CSMD1: variants seen among roughly 807,000 people sequenced by gnomAD.
CSMD1 encodes the protein CUB and Sushi multiple domains 1, also known as CUB and sushi domain-containing protein 1.
Under a neutral mutation model 417.5 loss-of-function variants are expected in CSMD1, and 213 were observed. The ratio of observed to expected loss-of-function variants is 0.51; its 90% CI spans 0.46 to 0.57. The LOEUF (loss-of-function observed/expected upper bound fraction) is 0.57, where lower values mean the gene tolerates loss of function less well. Ranked by LOEUF, CSMD1 falls within the 20% of genes least tolerant of loss-of-function variation. The pLI, the probability that CSMD1 is intolerant of heterozygous loss-of-function variation, is 0.00. For missense variants in CSMD1, 6,923 were observed against 4,529.7 expected (o/e 1.53, Z -15.17); for synonymous variants, 2,862 against 1,736.8 (o/e 1.65, Z -16.11).
At position 4,472,073 on chromosome 8, in the gene CSMD1, G is replaced by C. The variant is rs192468360; in HGVS notation, c.303-52008C>G. On this transcript the variant is annotated intron_variant, in intron 2 of 69. Transcript: ENST00000635120. Reference sequence around the variant, plus strand: ...GATTTAATGCTTAGCTGGGAAACTTGTTCGACACAGTCAGCAGAGATCTGT... The same window carrying C: ...GATTTAATGCTTAGCTGGGAAACTTCTTCGACACAGTCAGCAGAGATCTGT... Among the ~76,000 whole-genome samples, 14 of 152,284 alleles carry C rather than the reference G, an allele frequency of 9.2e-5. No homozygotes were observed. In the East Asian group the frequency reaches 2.1e-3, roughly 23 times the overall value.
intron 8 of CSMD1, among the ~76,000 whole-genome samples, chr8:3,592,084 T>A (rs955764467): frequency 3.3e-5 from 5 of 151,910 alleles, no homozygotes; most frequent in African/African-American, 1.2e-4. Context: ...AATTGACGGA[T>A]TAGAGAGACA....
At chr8:4,893,900 G>A (rs1338346119) in intron 1 of CSMD1, among the ~76,000 whole-genome samples, 2 of 152,066 alleles carry the variant, frequency 1.3e-5, no homozygotes, top group African/African-American at 2.4e-5. Context: ...TTAACCAAGG[G>A]GGCGGGGCAA....
chr8:3,380,011 A>G (rs1319901808), intron 18 of CSMD1, among the ~76,000 whole-genome samples: 1 of 152,210 alleles, frequency 6.6e-6, no homozygotes, highest in Admixed American at 6.5e-5. Context: ...AAGGGCTAAT[A>G]CCCAGAATCT....
intron 3 of CSMD1, among the ~76,000 whole-genome samples, chr8:4,401,455 C>G (rs566886167): frequency 4.5e-4 from 69 of 152,100 alleles, no homozygotes; most frequent in Non-Finnish European, 8.1e-4. Context: ...TAGGTAATTT[C>G]AAGCTTCCAG....
At chr8:3,677,616 CCT>C (rs1317584203) in intron 7 of CSMD1, among the ~76,000 whole-genome samples, 1 of 152,098 alleles carries the variant, frequency 6.6e-6, no homozygotes, top group East Asian at 1.9e-4. Context: ...GAGTTTAGAA[CCT>C]CTCTTTTAAG....
intron 3 of CSMD1, among the ~76,000 whole-genome samples, chr8:4,114,334 A>T (rs958929994): frequency 6.6e-6 from 1 of 152,220 alleles, no homozygotes; most frequent in Non-Finnish European, 1.5e-5. Flanking sequence ...ACATCTGTTT[A>T]CAGCACGGTT....
intron 7 of CSMD1, among the ~76,000 whole-genome samples, chr8:3,643,571 G>A (rs528295796): frequency 6.6e-6 from 1 of 151,986 alleles, no homozygotes; most frequent in East Asian, 1.9e-4. Context: ...CGTGGTGGCG[G>A]GCGCCTGTAG....
chr8:4,240,622 A>C (rs1425576398), intron 3 of CSMD1, among the ~76,000 whole-genome samples: 1 of 152,142 alleles, frequency 6.6e-6, no homozygotes, highest in African/African-American at 2.4e-5. Context: ...ATGGCTATCC[A>C]ATCTCATTCC....
chr8:2,973,064 G>A (rs1246839110), intron 57 of CSMD1, 53 bp downstream of exon 57: 13 of 1,545,218 alleles, frequency 8.4e-6, no homozygotes, highest in Non-Finnish European at 1.1e-5. Context: ...ATTTTAGAAC[G>A]AGCTGTGTGG....
At chr8:4,466,533 G>T (rs1300344596) in intron 2 of CSMD1, among the ~76,000 whole-genome samples, 1 of 152,188 alleles carries the variant, frequency 6.6e-6, no homozygotes, top group African/African-American at 2.4e-5. Context: ...GGAAAGCTGT[G>T]TTTGGAAAAC....
intron 3 of CSMD1, among the ~76,000 whole-genome samples, chr8:4,249,845 C>A (rs1171790678): frequency 6.6e-6 from 1 of 152,028 alleles, no homozygotes; most frequent in Non-Finnish European, 1.5e-5. Flanking sequence ...TTGAATGTGT[C>A]CCCTGACCCC....
At chr8:4,241,274 C>T (rs1455078341) in intron 3 of CSMD1, among the ~76,000 whole-genome samples, 1 of 152,116 alleles carries the variant, frequency 6.6e-6, no homozygotes, top group African/African-American at 2.4e-5. Context: ...TAAATAATCT[C>T]ACCACAATTC....
intron 1 of CSMD1, chr8:4,788,295 G>A (rs550356388): frequency 1.4e-5 from 22 of 1,584,970 alleles, no homozygotes; most frequent in South Asian, 1.2e-4. Context: ...TGTGGCAGTG[G>A]CAGGCAGAAG....
At chr8:4,745,851 C>G (rs1810916827) in intron 1 of CSMD1, among the ~76,000 whole-genome samples, 1 of 152,152 alleles carries the variant, frequency 6.6e-6, no homozygotes, top group Non-Finnish European at 1.5e-5. Flanking sequence ...AAATCTCACA[C>G]TCTGCTGTAT....
chr8:3,600,811 G>C (rs1229567091), intron 8 of CSMD1, among the ~76,000 whole-genome samples: 2 of 151,422 alleles, frequency 1.3e-5, no homozygotes, highest in Admixed American at 6.6e-5. Flanking sequence ...ACATTCATAT[G>C]CATGTTTTGC....
intron 35 of CSMD1, 125 bp from the exon 36 acceptor site, chr8:3,188,090 A>G (rs994549154): frequency 4.1e-5 from 12 of 292,368 alleles, no homozygotes; most frequent in Middle Eastern, 1.1e-3. Context: ...ATGTATATGT[A>G]TATATATATA....
At chr8:4,613,996 T>C (rs1313925774) in intron 2 of CSMD1, among the ~76,000 whole-genome samples, 1 of 152,128 alleles carries the variant, frequency 6.6e-6, no homozygotes, top group Non-Finnish European at 1.5e-5. Flanking sequence ...AGATTTTACA[T>C]GTCCTAATAA....
At chr8:4,978,619 T>G (rs1810700165) in intron 1 of CSMD1, among the ~76,000 whole-genome samples, 2 of 152,194 alleles carry the variant, frequency 1.3e-5, no homozygotes, top group Non-Finnish European at 2.9e-5. Flanking sequence ...CCTCTGGTGC[T>G]TTTTTGAACA....
In CSMD1 at chr8:3,352,174, C is replaced by T. The variant is rs1360948981; in HGVS notation, c.3305-4013G>A. ...ATGGGTGGGGAAGGAATGCCAGGACCTGGGCACACTCTCAGGTGCAAGACA... is the reference window on the plus strand; with the variant it reads ...ATGGGTGGGGAAGGAATGCCAGGACTTGGGCACACTCTCAGGTGCAAGACA... On this transcript the variant is annotated intron_variant, in intron 21 of 69. Transcript: ENST00000635120. Among the ~76,000 whole-genome samples, 5 of 152,252 alleles carry T rather than the reference C, an allele frequency of 3.3e-5. No homozygotes were observed. In the South Asian group the frequency reaches 1.0e-3, roughly 32 times the overall value.
Sources: allele counts gnomAD v4.1 joint callset (sites outside exome capture counted in the v4.1 genomes callset), GRCh38; gene constraint gnomAD v4.1.1; transcripts MANE v1.5; gene names NCBI Gene and HGNC (gene_info 2026-07-23, HGNC 2026-07-21).